The following ROBO2 variants were observed in gnomAD, a reference collection of about 807,000 sequenced individuals.
The protein encoded by ROBO2 is roundabout guidance receptor 2.
Under a neutral mutation model 160.8 loss-of-function variants are expected in ROBO2, and 53 were observed. The ratio of observed to expected loss-of-function variants is 0.33; its 90% CI spans 0.26 to 0.41. ROBO2 has a LOEUF of 0.41. Ranked by LOEUF, ROBO2 falls within the 10% of genes least tolerant of loss-of-function variation. ROBO2 has a pLI of 1.00. For missense variants in ROBO2, 1,577 were observed against 1,722.4 expected (o/e 0.92, Z 1.49); for synonymous variants, 664 against 611.7 (o/e 1.09, Z -1.26).
rs143686070 is a variant in ROBO2 at position 75,928,744 on chromosome 3, A to G, written c.-13-8737A>G. Among the ~76,000 whole-genome samples, 440 of 152,302 alleles carry G rather than the reference A, an allele frequency of 2.9e-3. 1 individual carries two copies. Among genetic ancestry groups the G allele is most frequent in the African/African-American group, 0.01 (416 of 41,566 alleles). ...TCTATGTACTTTCAATGTACCTTCAAACATGAGATCTGCAGCTGGTTAAGA... is the reference window on the plus strand; with the variant it reads ...TCTATGTACTTTCAATGTACCTTCAGACATGAGATCTGCAGCTGGTTAAGA... On this transcript the variant is annotated intron_variant, in intron 1 of 26. Transcript: ENST00000487694.
intron 1 of ROBO2, among the ~76,000 whole-genome samples, chr3:77,045,133 T>G (rs2149648367): frequency 6.6e-6 from 1 of 152,248 alleles, no homozygotes; most frequent in African/African-American, 2.4e-5. Flanking sequence ...GTAAAAGAAT[T>G]ACTATATAAA....
rs572376797 is a variant in ROBO2 at position 76,188,223 on chromosome 3, G to A, written c.109+250621G>A. On this transcript the variant is annotated intron_variant, in intron 2 of 26. Coordinates refer to the ROBO2 transcript ENST00000487694. Reference sequence around the variant, plus strand: ...AGTACCTTTGAATGTGACCTTTTTGGAAACAGGGTCTTTGTAGATATAATT... The same window carrying A: ...AGTACCTTTGAATGTGACCTTTTTGAAAACAGGGTCTTTGTAGATATAATT... Among the ~76,000 whole-genome samples, 11 of 152,066 alleles carry A rather than the reference G, an allele frequency of 7.2e-5. No individual in the cohort carries two copies. The East Asian group carries it at 2.1e-3, about 30-fold the overall frequency.
intron 2 of ROBO2, among the ~76,000 whole-genome samples, chr3:77,394,713 A>G (rs2075094105): frequency 6.6e-6 from 1 of 152,152 alleles, no homozygotes; most frequent in Admixed American, 6.6e-5. Flanking sequence ...CAGGAAAGAT[A>G]ACCAAGAATG....
chr3:76,868,176 C>T (rs1447289102), intron 2 of ROBO2, among the ~76,000 whole-genome samples: 1 of 152,074 alleles, frequency 6.6e-6, no homozygotes, highest in Non-Finnish European at 1.5e-5. Flanking sequence ...GTTTTTTTTA[C>T]CCAACCTGGA....
chr3:77,634,729 A>C, intron 23 of ROBO2, 141 bp from the exon 25 acceptor site: 1 of 829,656 alleles, frequency 1.2e-6, no homozygotes, highest in Non-Finnish European at 2.0e-6. Flanking sequence ...ACATTTTTCT[A>C]CAGAGATGCA....
At chr3:77,214,926 G>T (rs2084714422) in intron 2 of ROBO2, among the ~76,000 whole-genome samples, 1 of 151,704 alleles carries the variant, frequency 6.6e-6, no homozygotes, top group East Asian at 1.9e-4. Flanking sequence ...CTTCTGGCTT[G>T]TAGAGTGTCT....
At chr3:76,916,376 C>T (rs1281332493) in intron 2 of ROBO2, among the ~76,000 whole-genome samples, 1 of 152,028 alleles carries the variant, frequency 6.6e-6, no homozygotes, top group East Asian at 1.9e-4. Flanking sequence ...GGGTCTTGCT[C>T]TGTCACCAAG....
In ROBO2 at chr3:77,477,527, A is replaced by G. The variant is rs199597054; in HGVS notation, c.502A>G (p.Lys168Glu). 32 of 1,613,964 alleles carry G rather than the reference A, an allele frequency of 2.0e-5. No individual in the cohort carries two copies. In the Middle Eastern group the frequency reaches 6.6e-4, roughly 33 times the overall value. ...ACACCCAGAACCCACCATCTACTGG[A>G]AAAAAGACAAAGTTCGAATTGATGA... The change falls in exon 3 of 26, where the codon AAA (lysine) becomes GAA (glutamate). Residue 168 changes from lysine (K) to glutamate (E), a missense_variant. Lys to Glu is a moderately conservative substitution (Grantham distance 56, BLOSUM62 1). Transcript: ENST00000461745.
chr3:77,494,028 A>G (rs1251360928), intron 5 of ROBO2, among the ~76,000 whole-genome samples: 1 of 152,180 alleles, frequency 6.6e-6, no homozygotes, highest in Non-Finnish European at 1.5e-5. Context: ...GTATTCAAAA[A>G]TGCTTTTCAT....
intron 2 of ROBO2, among the ~76,000 whole-genome samples, chr3:77,403,802 T>C (rs887916188): frequency 1.3e-5 from 2 of 152,106 alleles, no homozygotes; most frequent in Non-Finnish European, 2.9e-5. Flanking sequence ...CATTTCTATG[T>C]ACCAAACATT....
At chr3:77,255,447 A>G (rs1258380622) in intron 2 of ROBO2, among the ~76,000 whole-genome samples, 2 of 152,178 alleles carry the variant, frequency 1.3e-5, no homozygotes, top group African/African-American at 2.4e-5. Flanking sequence ...TTGTGGTGGT[A>G]TGTATATTTC....
chr3:76,640,024 C>CTACTT (rs1174294055), intron 2 of ROBO2, among the ~76,000 whole-genome samples: 6 of 152,250 alleles, frequency 3.9e-5, no homozygotes, highest in African/African-American at 1.4e-4. Flanking sequence ...AAGTCTGCAG[C>CTACTT]TACTTTAGGT....
At chr3:76,214,786 T>A (rs1043762092) in intron 2 of ROBO2, among the ~76,000 whole-genome samples, 1 of 152,186 alleles carries the variant, frequency 6.6e-6, no homozygotes, top group African/African-American at 2.4e-5. Context: ...GACTTAAATG[T>A]CTCTGTCTGA....
At chr3:76,174,004 T>C (rs896000413) in intron 2 of ROBO2, among the ~76,000 whole-genome samples, 3 of 152,226 alleles carry the variant, frequency 2.0e-5, no homozygotes, top group African/African-American at 7.2e-5. Flanking sequence ...TTCCTATTTC[T>C]CTGCATCCTC....
intron 2 of ROBO2, among the ~76,000 whole-genome samples, chr3:76,794,197 A>G (rs1466704064): frequency 6.6e-6 from 1 of 151,974 alleles, no homozygotes; most frequent in Admixed American, 6.6e-5. Context: ...AAAATTATGG[A>G]AAAAATTAGT....
intron 2 of ROBO2, among the ~76,000 whole-genome samples, chr3:76,467,707 T>C (rs2078435754): frequency 6.6e-6 from 1 of 150,896 alleles, no homozygotes; most frequent in African/African-American, 2.4e-5. Context: ...TTATGTGAAC[T>C]GGTAAGAAAA....
chr3:76,071,549 C>T (rs2068454607), intron 2 of ROBO2, among the ~76,000 whole-genome samples: 1 of 151,992 alleles, frequency 6.6e-6, no homozygotes, highest in Admixed American at 6.6e-5. Context: ...AGGATATATT[C>T]GTATCTTTAG....
chr3:77,318,376 A>G (rs980919872), intron 2 of ROBO2, among the ~76,000 whole-genome samples: 1 of 152,196 alleles, frequency 6.6e-6, no homozygotes, highest in African/African-American at 2.4e-5. Flanking sequence ...TACTCTTCCA[A>G]TTCTCAACTT....
intron 2 of ROBO2, among the ~76,000 whole-genome samples, chr3:76,733,776 A>AATTC: frequency 6.6e-6 from 1 of 152,282 alleles, no homozygotes; most frequent in East Asian, 1.9e-4. Flanking sequence ...TGTCTTAGTC[A>AATTC]ATTCAGGCTT....
Sources: gnomAD v4.1 joint callset for allele counts (sites outside exome capture counted in the v4.1 genomes callset) on GRCh38, gnomAD v4.1.1 for gene constraint, MANE v1.5 for transcripts, NCBI Gene and HGNC (gene_info 2026-07-23, HGNC 2026-07-21) for gene names.